Variants in KIF1A observed in about 807,000 individuals in gnomAD.
The protein encoded by KIF1A is kinesin-like protein KIF1A.
In KIF1A, 46 loss-of-function variants were observed where a neutral mutation model predicts 227.3. That is an observed-to-expected ratio of 0.20 (90% CI 0.16 to 0.26). KIF1A has a LOEUF of 0.26. Ranked by LOEUF, KIF1A falls within the 10% of genes least tolerant of loss-of-function variation. KIF1A has a pLI of 1.00. For missense variants in KIF1A, 1,683 were observed against 2,485.9 expected (o/e 0.68, Z 6.87); for synonymous variants, 1,022 against 1,012.8 (o/e 1.01, Z -0.17).
At position 240,744,072 on chromosome 2, in the gene KIF1A, G is replaced by A. The variant is rs745956020; in HGVS notation, c.3466-12C>T. ...ACCTCCACTGCGATCTGGTGGGCAG[G>A]CAGGTGGGAGGACAGGAGGGCACGG... is the stretch of plus-strand genomic sequence containing the variant. On this transcript the variant is annotated splice_polypyrimidine_tract_variant and intron_variant, in intron 32 of 48. Coordinates refer to ENST00000498729, the MANE Select transcript of KIF1A (RefSeq NM_001244008.2). 1.7e-5 allele frequency: 26 copies of A among 1,573,644 alleles called. No individual in the cohort carries two copies. The South Asian group carries it at 2.8e-4, about 17-fold the overall frequency.
intron 42 of KIF1A, 82 bp downstream of exon 42, chr2:240,723,331 C>A: frequency 7.2e-7 from 1 of 1,383,798 alleles, no homozygotes; most frequent in Non-Finnish European, 9.7e-7. Context: ...GCACCAGGCC[C>A]TGGGCCCTCT....
intron 1 of KIF1A, among the ~76,000 whole-genome samples, chr2:240,801,635 T>C (rs2056978303): frequency 6.6e-6 from 1 of 152,126 alleles, no homozygotes; most frequent in Admixed American, 6.5e-5. Flanking sequence ...AAGTGATGAC[T>C]TTAGTAAGTG....
chr2:240,722,744 G>A, intron 42 of KIF1A, 88 bp from the exon 43 acceptor site: 1 of 1,111,426 alleles, frequency 9.0e-7, no homozygotes, highest in Non-Finnish European at 1.2e-6. Flanking sequence ...ATGACCCTCT[G>A]GGCAGACCCC....
At position 240,737,077 on chromosome 2, in the gene KIF1A, T is replaced by C; in HGVS notation, c.3993A>G (p.Pro1331=). 15 of 1,612,668 alleles carry C rather than the reference T, an allele frequency of 9.3e-6. No homozygotes were observed. The highest frequency in any genetic ancestry group is 1.3e-5 in the Non-Finnish European group (15 of 1,178,826). Residue 1331 remains proline, a synonymous_variant, in exon 38 of 49, where the codon CCA becomes CCG. Transcript: ENST00000498729. Reference sequence around the variant, plus strand: ...CTCCGACTCACCGGTCATCTTGGGCTGGGTGGATGTATCCGGAAGAGAGGA... The same window carrying C: ...CTCCGACTCACCGGTCATCTTGGGCCGGGTGGATGTATCCGGAAGAGAGGA... ...LNILSSGYIH[P]AQDDRTFYQF... is the part of the protein sequence containing the mutation.
Position 240,726,802 on chromosome 2 carries a change from A to G in KIF1A, c.4122+24T>C. The G allele has an allele frequency of 6.9e-7, 1 of 1,444,218 alleles. No individual in the cohort carries two copies. The highest frequency in any genetic ancestry group is 9.7e-7 in the Non-Finnish European group (1 of 1,034,404). The allele number at this position is 1,444,218 out of a possible 1,614,324, so 89.5% of individuals were successfully genotyped here. On this transcript the variant is annotated intron_variant, in intron 39 of 48. Coordinates refer to ENST00000498729, the MANE Select transcript of KIF1A (RefSeq NM_001244008.2). The surrounding 1 kb of genome is among the most constrained non-coding windows in gnomAD (Gnocchi z 5.2). ...TTCAGGGGCTGAGTGGTTTTGGTGG[A>G]GTGCCCTGGCATAGGTGCCTTGCCT...
intron 28 of KIF1A, among the ~76,000 whole-genome samples, chr2:240,748,487 TGGGA>T (rs1215017121): frequency 6.6e-6 from 1 of 151,734 alleles, no homozygotes; most frequent in Non-Finnish European, 1.5e-5. Context: ...TGGGGGCCAG[TGGGA>T]GGAAGTGCTC....
chr2:240,791,270 C>A (rs538845780), intron 2 of KIF1A, among the ~76,000 whole-genome samples: 36 of 152,272 alleles, frequency 2.4e-4, no homozygotes, highest in Admixed American at 1.0e-3. Context: ...GATCAACCAG[C>A]GCTGTGGAAA....
intron 1 of KIF1A, among the ~76,000 whole-genome samples, chr2:240,812,343 G>A (rs2057928647): frequency 1.3e-5 from 2 of 152,208 alleles, no homozygotes; most frequent in South Asian, 2.1e-4. Context: ...GTGACGGTGA[G>A]GGCCAGACAC....
In KIF1A at chr2:240,740,278, G is replaced by T. The variant is rs376501987; in HGVS notation, c.3816+20C>A. The stretch of plus-strand genomic sequence containing the variant: ...TGGGGGAGGGGACACAGGCAGGGTA[G>T]GGGCAAGAGGGGCTCACACCTGGTG... On this transcript the variant is annotated intron_variant, in intron 36 of 48. Coordinates refer to ENST00000498729, the MANE Select transcript of KIF1A (RefSeq NM_001244008.2). This position sits in a 1 kb window ranked among gnomAD's most constrained non-coding sequence, Gnocchi z 6.1. 1.2e-6 allele frequency: 2 copies of T among 1,609,254 alleles called. No homozygotes were observed. Among genetic ancestry groups the T allele is most frequent in the South Asian group, 2.2e-5 (2 of 90,676 alleles).
chr2:240,762,733 T>C lies in KIF1A; in HGVS notation c.2102A>G (p.Glu701Gly). 1 of 1,563,144 alleles carries C rather than the reference T, an allele frequency of 6.4e-7. No individual in the cohort carries two copies. The highest frequency in any genetic ancestry group is 8.7e-7 in the Non-Finnish European group (1 of 1,145,402). Reference sequence around the variant, plus strand: ...TGACCCCTCACCTTCATCCTCGGGCTCCTCCTCCTCCTCGTTCACCTCCGG... The same window carrying C: ...TGACCCCTCACCTTCATCCTCGGGCCCCTCCTCCTCCTCGTTCACCTCCGG... Reference protein sequence around the residue: ...YYPEVNEEEEEPEDEVQWTER... With the variant: ...YYPEVNEEEEGPEDEVQWTER... The change falls in exon 23 of 49, where the codon GAG becomes GGG. Residue 701 changes from glutamate (E) to glycine (G), a missense_variant. This residue lies in a region of KIF1A where 217 missense variants were observed against 427.0 expected (regional missense o/e 0.51). Transcript: ENST00000498729.
intron 10 of KIF1A, among the ~76,000 whole-genome samples, chr2:240,779,613 T>C (rs1477926467): frequency 6.8e-6 from 1 of 147,648 alleles, no homozygotes; most frequent in Non-Finnish European, 1.5e-5. Flanking sequence ...TCCTCACAGT[T>C]CCTCACTCAG....
intron 38 of KIF1A, among the ~76,000 whole-genome samples, chr2:240,733,882 A>AT (rs1360715927): frequency 6.6e-6 from 1 of 152,186 alleles, no homozygotes; most frequent in East Asian, 1.9e-4. Flanking sequence ...GGCAGCCTTG[A>AT]TTTTCCATTC....
chr2:240,761,016 G>A (rs762418215), intron 24 of KIF1A, among the ~76,000 whole-genome samples, 173 bp from the exon 25 acceptor site: 14 of 152,042 alleles, frequency 9.2e-5, no homozygotes, highest in African/African-American at 3.1e-4. Flanking sequence ...CTGCCCACCC[G>A]GCCGCCGTCT....
chr2:240,726,181 G>T lies in KIF1A; in HGVS notation c.4122+645C>A, dbSNP rs2045977423. On this transcript the variant is annotated intron_variant, in intron 39 of 48. Coordinates refer to ENST00000498729, the MANE Select transcript of KIF1A (RefSeq NM_001244008.2). This position sits in a 1 kb window ranked among gnomAD's most constrained non-coding sequence, Gnocchi z 5.2. ...GGCCTATGTACTGCAGACTCTGGGG[G>T]TGCTGTGGGGATGGAACACTTCTGT... 1.3e-5 allele frequency among the ~76,000 whole-genome samples: 2 copies of T among 152,356 alleles called. No homozygotes were observed. The highest frequency in any genetic ancestry group is 2.9e-5 in the Non-Finnish European group (2 of 68,032).
intron 38 of KIF1A, chr2:240,734,892 G>C (rs1433268896): frequency 5.5e-6 from 3 of 548,668 alleles, no homozygotes; most frequent in Non-Finnish European, 9.8e-6. Context: ...GGAGCGGGCA[G>C]GAGGCAAGGC....
At chr2:240,772,401 G>A (rs902340414) in intron 14 of KIF1A, among the ~76,000 whole-genome samples, 169 bp downstream of exon 14, 5 of 152,160 alleles carry the variant, frequency 3.3e-5, no homozygotes, top group Admixed American at 3.3e-4. Context: ...CCACATCTAC[G>A]AGCAGGGCCC....
chr2:240,732,124 G>GGAGGGGAGGAGGGGAGGAGGGA (rs1553627059), intron 38 of KIF1A, among the ~76,000 whole-genome samples: 3 of 24,978 alleles, frequency 1.2e-4, no homozygotes, highest in African/African-American at 6.6e-4. Flanking sequence ...AGGGATGAGG[G>GGAGGGGAGGAGGGGAGGAGGGA]GAGGGGAGGA....
chr2:240,741,152 C>A (rs986552495), intron 35 of KIF1A, 117 bp downstream of exon 35: 4 of 680,610 alleles, frequency 5.9e-6, no homozygotes, highest in Non-Finnish European at 5.1e-6. Context: ...GCAGTGAACA[C>A]CCGCTGGAAG....
Position 240,740,403 on chromosome 2 carries a change from T to C in KIF1A, c.3750-39A>G. The C allele has an allele frequency of 1.9e-6, 3 of 1,555,908 alleles. No individual in the cohort carries two copies. The highest frequency in any genetic ancestry group is 2.7e-6 in the Non-Finnish European group (3 of 1,127,644). Reference sequence around the variant, plus strand: ...ACACATGTGAGGAGCGGCCAGCCCCTCCTCTCTGCCCTCCCCGCAGCACAG... The same window carrying C: ...ACACATGTGAGGAGCGGCCAGCCCCCCCTCTCTGCCCTCCCCGCAGCACAG... On this transcript the variant is annotated intron_variant, in intron 35 of 48. Coordinates refer to ENST00000498729, the MANE Select transcript of KIF1A (RefSeq NM_001244008.2). This position sits in a 1 kb window ranked among gnomAD's most constrained non-coding sequence, Gnocchi z 6.1.
Sources: gnomAD v4.1 joint callset for allele counts (sites outside exome capture counted in the v4.1 genomes callset) on GRCh38, gnomAD v4.1.1 for gene constraint, gnomAD v4.1.1 regional missense constraint, Gnocchi (gnomAD v3.1) non-coding constraint, MANE v1.5 for transcripts, NCBI Gene and HGNC (gene_info 2026-07-23, HGNC 2026-07-21) for gene names.